TPH2: variants seen among roughly 807,000 people sequenced by gnomAD.
TPH2 encodes the protein tryptophan 5-hydroxylase 2.
A neutral mutation model predicts 59.1 loss-of-function variants in TPH2; 27 were observed. The observed-to-expected ratio is 0.46, with a 90% CI of 0.34 to 0.63. The LOEUF is 0.63. Among genes scored for constraint, TPH2 ranks in the 30% least tolerant of loss-of-function variants. TPH2 has a pLI of 0.01. For missense variants in TPH2, 523 were observed against 588.3 expected, an observed-to-expected ratio of 0.89 and a Z score of 1.15; for synonymous variants, 220 against 210.5, an observed-to-expected ratio of 1.05 and a Z score of -0.39.
Position 71,972,588 on chromosome 12 carries a change from G to C in TPH2, c.678G>C (p.Glu226Asp). ...AAACTTGGGGTGTTGTATTCCGGGA[G>C]CTCTCCAAACTCTATCCCACTCATG... Reference protein sequence around the residue: ...ETKTWGVVFRELSKLYPTHAC... With the variant: ...ETKTWGVVFRDLSKLYPTHAC... The change falls in exon 6 of 11, where the codon GAG becomes GAC. Residue 226 changes from glutamate to aspartate, a missense_variant. By Grantham distance (45) the Glu-to-Asp change is conservative. Transcript: ENST00000333850. 6.2e-7 allele frequency: 1 copy of C among 1,614,106 alleles called. No homozygotes were observed. The highest frequency in any genetic ancestry group is 1.1e-5 in the South Asian group (1 of 91,082).
intron 7 of TPH2, among the ~76,000 whole-genome samples, chr12:71,979,288 G>A (rs906659385): frequency 2.0e-5 from 3 of 152,140 alleles, no homozygotes; most frequent in Middle Eastern, 3.2e-3. Context: ...TGATATTCCA[G>A]CTCTGGCTCG....
chr12:71,942,399 T>G (rs1871095708), intron 2 of TPH2, among the ~76,000 whole-genome samples: 2 of 152,182 alleles, frequency 1.3e-5, no homozygotes, highest in Admixed American at 6.5e-5. Flanking sequence ...TAATGGTTTC[T>G]GTACCCATCA....
chr12:72,006,560 A>G (rs894223562), intron 8 of TPH2, among the ~76,000 whole-genome samples: 1 of 152,096 alleles, frequency 6.6e-6, no homozygotes, highest in Non-Finnish European at 1.5e-5. Flanking sequence ...ACTGAGGGTG[A>G]TCAAATATCA....
chr12:71,964,491 AAT>A (rs377526123), intron 5 of TPH2: 5,943 of 881,218 alleles, frequency 6.7e-3, no homozygotes, highest in Non-Finnish European at 7.4e-3. Flanking sequence ...GTTGATGCAG[AAT>A]ATATATATAT....
chr12:71,943,068 AG>A (rs575866714), intron 2 of TPH2, among the ~76,000 whole-genome samples: 319 of 152,344 alleles, frequency 2.1e-3, no homozygotes, highest in Non-Finnish European at 3.7e-3. Flanking sequence ...GGTCATTAAA[AG>A]CCCAACGTGA....
At chr12:71,966,148 T>C (rs770793675) in intron 5 of TPH2, among the ~76,000 whole-genome samples, 1 of 152,162 alleles carries the variant, frequency 6.6e-6, no homozygotes, top group Non-Finnish European at 1.5e-5. Flanking sequence ...TCAGGGTATA[T>C]TTATTGAGGA....
At chr12:71,941,311 AG>A (rs1218012949) in intron 1 of TPH2, among the ~76,000 whole-genome samples, 1 of 152,158 alleles carries the variant, frequency 6.6e-6, no homozygotes, top group Non-Finnish European at 1.5e-5. Context: ...TACGACAGTC[AG>A]GTTTTTGTTG....
intron 7 of TPH2, among the ~76,000 whole-genome samples, chr12:71,982,722 T>C (rs1205335118): frequency 2.0e-5 from 3 of 152,240 alleles, no homozygotes; most frequent in Admixed American, 6.5e-5. Flanking sequence ...CTGCTTGTAC[T>C]GTGTTTCCAA....
At chr12:71,979,111 G>T (rs543349632) in intron 7 of TPH2, 24 bp downstream of exon 7, 1 of 1,613,994 alleles carries the variant, frequency 6.2e-7, no homozygotes, top group Non-Finnish European at 8.5e-7. Context: ...TTAAAGCCCA[G>T]GCCACCACAC....
intron 9 of TPH2, among the ~76,000 whole-genome samples, chr12:72,029,993 G>A (rs1873678360): frequency 6.6e-6 from 1 of 152,184 alleles, no homozygotes; most frequent in East Asian, 1.9e-4. Flanking sequence ...ATAATGGGTG[G>A]AATCCAGAGG....
chr12:71,942,005 G>C (rs893810078), intron 2 of TPH2, among the ~76,000 whole-genome samples: 3 of 152,132 alleles, frequency 2.0e-5, no homozygotes, highest in Admixed American at 6.5e-5. Context: ...TCAAAAACGT[G>C]AGCTTCACAC....
At chr12:71,939,393 G>T (rs987107179) in intron 1 of TPH2, among the ~76,000 whole-genome samples, 1 of 25,596 alleles carries the variant, frequency 3.9e-5, no homozygotes, top group Non-Finnish European at 7.5e-5. Flanking sequence ...TAAATCTACA[G>T]CCAAAAAAAA....
At chr12:71,942,435 T>C (rs1325090673) in intron 2 of TPH2, among the ~76,000 whole-genome samples, 2 of 152,068 alleles carry the variant, frequency 1.3e-5, no homozygotes, top group East Asian at 3.9e-4. Flanking sequence ...TACAAATGCA[T>C]TTTGTTTGGG....
intron 7 of TPH2, among the ~76,000 whole-genome samples, chr12:71,984,953 A>G (rs1872389505): frequency 6.6e-6 from 1 of 152,202 alleles, no homozygotes; most frequent in Non-Finnish European, 1.5e-5. Context: ...CCTTCAGCAT[A>G]GATAATCTTG....
At position 71,944,365 on chromosome 12, in the gene TPH2, T is replaced by C. The variant is rs758176787; in HGVS notation, c.327T>C (p.Phe109=). The change falls in exon 3 of 11, where the codon TTT becomes TTC. Residue 109 remains phenylalanine, a synonymous_variant. Coordinates refer to ENST00000333850, the MANE Select transcript of TPH2 (RefSeq NM_173353.4). Reference sequence around the variant, plus strand: ...GAAGAAGTTCTGAGGTTGAAATCTTTGTGGACTGTGAGTGTGGGAAAACAG... The same window carrying C: ...GAAGAAGTTCTGAGGTTGAAATCTTCGTGGACTGTGAGTGTGGGAAAACAG... ...SRRRSSEVEI[F]VDCECGKTEF... is the part of the protein sequence containing the mutation. 1 of 1,613,956 alleles carries C rather than the reference T, an allele frequency of 6.2e-7. No homozygotes were observed. Among genetic ancestry groups the C allele is most frequent in the South Asian group, 1.1e-5 (1 of 91,080 alleles).
chr12:71,991,297 A>G (rs1426329654), intron 7 of TPH2, among the ~76,000 whole-genome samples: 1 of 152,202 alleles, frequency 6.6e-6, no homozygotes, highest in African/African-American at 2.4e-5. Context: ...CAAGTATTTA[A>G]CAAGTTCAAA....
chr12:71,966,981 T>C (rs1256745660), intron 5 of TPH2, among the ~76,000 whole-genome samples: 2 of 152,086 alleles, frequency 1.3e-5, no homozygotes, highest in Non-Finnish European at 2.9e-5. Context: ...GTAAGAAAAA[T>C]AGCTTGCTGT....
intron 7 of TPH2, among the ~76,000 whole-genome samples, chr12:71,983,139 A>T (rs896337458): frequency 2.0e-5 from 3 of 152,086 alleles, no homozygotes; most frequent in African/African-American, 7.2e-5. Flanking sequence ...AAGACAATAA[A>T]GAACCCCTGG....
At chr12:72,000,269 A>G (rs1466243346) in intron 8 of TPH2, among the ~76,000 whole-genome samples, 1 of 152,236 alleles carries the variant, frequency 6.6e-6, no homozygotes, top group Non-Finnish European at 1.5e-5. Context: ...CTGGGCAGAA[A>G]TTATTTGCAT....
Sources: allele counts gnomAD v4.1 joint callset (sites outside exome capture counted in the v4.1 genomes callset), GRCh38; gene constraint gnomAD v4.1.1; transcripts MANE v1.5; gene names NCBI Gene and HGNC (gene_info 2026-07-23, HGNC 2026-07-21).